INPP4B: variants seen among roughly 807,000 people sequenced by gnomAD.
INPP4B encodes inositol polyphosphate 4-phosphatase type II.
In INPP4B, 55 loss-of-function variants were observed where a neutral mutation model predicts 122.5. The ratio of observed to expected loss-of-function variants is 0.45; its 90% CI spans 0.36 to 0.56. The LOEUF is 0.56. Ranked by LOEUF, INPP4B falls within the 20% of genes least tolerant of loss-of-function variation. INPP4B has a pLI of 0.00. For missense variants in INPP4B, 1,000 were observed against 1,097.7 expected, an observed-to-expected ratio of 0.91 and a Z score of 1.26; for synonymous variants, 403 against 388.7, an observed-to-expected ratio of 1.04 and a Z score of -0.43.
chr4:142,814,249 T>A (rs1316236248), intron 1 of INPP4B, among the ~76,000 whole-genome samples: 1 of 152,136 alleles, frequency 6.6e-6, no homozygotes. Flanking sequence ...AAAAACAAAA[T>A]GTCAGTGGAA....
intron 18 of INPP4B, among the ~76,000 whole-genome samples, chr4:142,138,685 A>G (rs1806050544): frequency 6.6e-6 from 1 of 152,104 alleles, no homozygotes; most frequent in African/African-American, 2.4e-5. Context: ...CCCTTCATCT[A>G]TGAAATGGGG....
intron 6 of INPP4B, among the ~76,000 whole-genome samples, chr4:142,403,710 C>T (rs1239400386): frequency 6.6e-6 from 1 of 152,072 alleles, no homozygotes; most frequent in Non-Finnish European, 1.5e-5. Context: ...ATATATATTG[C>T]CGAATATCAT....
Position 142,135,489 on chromosome 4 carries a change from T to C in INPP4B, c.1720+10351A>G, listed in dbSNP as rs567974996. 7.2e-5 allele frequency among the ~76,000 whole-genome samples: 11 copies of C among 152,324 alleles called. No individual in the cohort carries two copies. The South Asian group carries it at 2.3e-3, about 32-fold the overall frequency. ...AGAAGGGATGACAACTTTAGGTCCA[T>C]GTTCTCCATGGAAATGACTGGCTGG... On this transcript the variant is annotated intron_variant, in intron 18 of 25. Transcript: ENST00000262992.
chr4:142,463,470 G>A (rs1422936436), intron 2 of INPP4B, among the ~76,000 whole-genome samples: 1 of 152,146 alleles, frequency 6.6e-6, no homozygotes, highest in African/African-American at 2.4e-5. Context: ...ATAGCTGGGA[G>A]TTTGTTCCTA....
chr4:142,790,405 G>T (rs1023537515), intron 1 of INPP4B, among the ~76,000 whole-genome samples: 1 of 151,898 alleles, frequency 6.6e-6, no homozygotes, highest in Non-Finnish European at 1.5e-5. Context: ...GTGGGCTAAG[G>T]ACATGAATAG....
At chr4:142,279,397 G>A (rs1750127749) in intron 9 of INPP4B, among the ~76,000 whole-genome samples, 1 of 151,880 alleles carries the variant, frequency 6.6e-6, no homozygotes, top group South Asian at 2.1e-4. Flanking sequence ...TAAATCTAGA[G>A]TAATTAAACT....
intron 7 of INPP4B, among the ~76,000 whole-genome samples, chr4:142,347,770 T>A: frequency 7.0e-6 from 1 of 143,674 alleles, no homozygotes; most frequent in Non-Finnish European, 1.5e-5. Context: ...TAGGTAAATA[T>A]TTTTTTCTGA....
chr4:142,552,641 T>C (rs1339572429), intron 2 of INPP4B, among the ~76,000 whole-genome samples: 1 of 152,174 alleles, frequency 6.6e-6, no homozygotes, highest in South Asian at 2.1e-4. Flanking sequence ...AGAGGCAACA[T>C]TGATCTCTGA....
chr4:142,742,836 TG>T (rs2150923449), intron 1 of INPP4B, among the ~76,000 whole-genome samples: 1 of 152,030 alleles, frequency 6.6e-6, no homozygotes, highest in Non-Finnish European at 1.5e-5. Context: ...AACAAAACAA[TG>T]TAGAGCTAAG....
intron 25 of INPP4B, among the ~76,000 whole-genome samples, chr4:142,068,771 A>C (rs543522661): frequency 5.3e-5 from 8 of 152,258 alleles, no homozygotes; most frequent in Non-Finnish European, 1.2e-4. Flanking sequence ...CAATTCAACA[A>C]GAAGAGCTAA....
chr4:142,505,406 A>G (rs560832498), intron 2 of INPP4B, among the ~76,000 whole-genome samples: 1 of 152,238 alleles, frequency 6.6e-6, no homozygotes, highest in Non-Finnish European at 1.5e-5. Context: ...AGGAGATAAA[A>G]GGAAGGGAGT....
intron 1 of INPP4B, among the ~76,000 whole-genome samples, chr4:142,823,985 T>C (rs1372458298): frequency 1.3e-5 from 2 of 152,120 alleles, no homozygotes; most frequent in Non-Finnish European, 2.9e-5. Flanking sequence ...ATCCAATCCA[T>C]TGAGGGCCTG....
rs903390537 is a variant in INPP4B, at chr4:142,122,374, C to G, written c.2018-129G>C. ...AGTTTCTGAATGCAGTGAACCTACT[C>G]TAGACACTTTTCCTCAGAGGCTGAA... On this transcript the variant is annotated intron_variant, in intron 20 of 25. Coordinates refer to ENST00000262992, the MANE Select transcript of INPP4B (RefSeq NM_001101669.3). 11 of 702,350 alleles carry G rather than the reference C, an allele frequency of 1.6e-5. No homozygotes were observed. In the East Asian group the frequency reaches 3.1e-4, roughly 20 times the overall value. The allele number at this position is 702,350 out of a possible 1,614,324, so 43.5% of individuals were successfully genotyped here. A position where few individuals can be genotyped will look rare whatever the true frequency, so the allele number is the denominator to read the frequency against.
chr4:142,316,462 T>C (rs554230618), intron 7 of INPP4B, among the ~76,000 whole-genome samples: 11 of 152,318 alleles, frequency 7.2e-5, no homozygotes, highest in African/African-American at 2.4e-4. Flanking sequence ...TTTCTCCCTC[T>C]AACTCTGTAT....
chr4:142,830,176 T>C (rs765494164), intron 1 of INPP4B, among the ~76,000 whole-genome samples: 42 of 152,296 alleles, frequency 2.8e-4, no homozygotes, highest in Non-Finnish European at 5.3e-4. Flanking sequence ...CATATATAGA[T>C]ACATATATAT....
intron 7 of INPP4B, among the ~76,000 whole-genome samples, chr4:142,363,316 C>T (rs892211397): frequency 1.3e-5 from 2 of 151,508 alleles, no homozygotes; most frequent in Non-Finnish European, 2.9e-5. Flanking sequence ...ATGCAATTAA[C>T]ACAAAAAGGG....
At chr4:142,815,211 C>A (rs1779975225) in intron 1 of INPP4B, among the ~76,000 whole-genome samples, 1 of 152,096 alleles carries the variant, frequency 6.6e-6, no homozygotes, top group South Asian at 2.1e-4. Context: ...CAAGGAAAAT[C>A]TGAGAAACTG....
intron 25 of INPP4B, among the ~76,000 whole-genome samples, chr4:142,047,311 T>G (rs1029493852): frequency 1.3e-5 from 2 of 152,140 alleles, no homozygotes; most frequent in Admixed American, 6.6e-5. Context: ...TGTGCTTTGT[T>G]GCACATCAGT....
At chr4:142,164,646 T>C (rs1821805963) in intron 16 of INPP4B, among the ~76,000 whole-genome samples, 1 of 151,846 alleles carries the variant, frequency 6.6e-6, no homozygotes, top group African/African-American at 2.4e-5. Flanking sequence ...CTAGTTTGCA[T>C]AAAATTACAG....
Sources: gnomAD v4.1 joint callset for allele counts (sites outside exome capture counted in the v4.1 genomes callset) on GRCh38, gnomAD v4.1.1 for gene constraint, MANE v1.5 for transcripts, NCBI Gene and HGNC (gene_info 2026-07-23, HGNC 2026-07-21) for gene names.